MACF1: variants seen among roughly 807,000 people sequenced by gnomAD.
MACF1 encodes microtubule actin crosslinking factor 1.
A neutral mutation model predicts 854.8 loss-of-function variants in MACF1; 193 were observed. The observed-to-expected ratio is 0.23, with a 90% confidence interval of 0.20 to 0.25. MACF1 has a LOEUF of 0.25. MACF1 is among the 10% of genes least tolerant of loss of function. MACF1 has a pLI of 1.00. For missense variants in MACF1, 7,722 were observed against 8,929.1 expected (o/e 0.86, Z 5.45); for synonymous variants, 3,185 against 3,226.7 (o/e 0.99, Z 0.44).
intron 32 of MACF1, 75 bp downstream of exon 32, chr1:39,322,790 T>G: frequency 6.5e-7 from 1 of 1,544,082 alleles, no homozygotes; most frequent in Non-Finnish European, 9.0e-7. Flanking sequence ...CCTTACATTT[T>G]GATTTAGGGC....
At chr1:39,401,975 G>A (rs1373486686) in intron 58 of MACF1, among the ~76,000 whole-genome samples, 2 of 152,230 alleles carry the variant, frequency 1.3e-5, no homozygotes, top group African/African-American at 4.8e-5. Flanking sequence ...ACTTTGGGAG[G>A]CCAAGGCAGG....
In MACF1 at chr1:39,291,954, G is replaced by A; in HGVS notation, c.1830G>A (p.Val610=). ...RAEWGNDLPS[V]ELQLETQQHI... is the part of the protein sequence containing the mutation. ...AGTGGGGCAATGACCTGCCTAGTGT[G>A]GAGTTGCAGCTAGAAACACAGCAGC... Residue 610 remains valine, a synonymous_variant, in exon 16 of 101, where the codon GTG becomes GTA. Transcript: ENST00000564288. 2 of 1,614,028 alleles carry A rather than the reference G, an allele frequency of 1.2e-6. No homozygotes were observed. The highest frequency in any genetic ancestry group is 2.2e-5 in the East Asian group (1 of 44,886).
chr1:39,176,278 C>CAA (rs11406287), intron 2 of MACF1, among the ~76,000 whole-genome samples: 210 of 139,762 alleles, frequency 1.5e-3, no homozygotes, highest in East Asian at 1.5e-3. Flanking sequence ...ACTCTGTCTC[C>CAA]AAAAAAAAAA....
chr1:39,157,633 G>C (rs188948415), intron 2 of MACF1, among the ~76,000 whole-genome samples: 1 of 152,186 alleles, frequency 6.6e-6, no homozygotes, highest in Admixed American at 6.5e-5. Flanking sequence ...CAGATTTGGG[G>C]AACATAGCTT....
At chr1:39,348,619 A>G (rs1039801796) in intron 41 of MACF1, among the ~76,000 whole-genome samples, 1 of 152,060 alleles carries the variant, frequency 6.6e-6, no homozygotes, top group Non-Finnish European at 1.5e-5. Context: ...AAAGAGGGGG[A>G]GAGAGGGCCA....
chr1:39,302,777 A>G (rs569160363), intron 22 of MACF1, 147 bp from the exon 23 acceptor site: 35 of 684,958 alleles, frequency 5.1e-5, no homozygotes, highest in Non-Finnish European at 7.5e-5. Flanking sequence ...TCTTTTGGCA[A>G]AAATCAGAAG....
In MACF1 at chr1:39,332,952, G is replaced by C. The variant is rs1226081950; in HGVS notation, c.6364G>C (p.Val2122Leu). 28 of 1,614,156 alleles carry C rather than the reference G, an allele frequency of 1.7e-5. No individual in the cohort carries two copies. Among genetic ancestry groups the C allele is most frequent in the Non-Finnish European group, 2.3e-5 (27 of 1,180,038 alleles). Residue 2122 changes from valine to leucine, a missense_variant, in exon 37 of 101, where the codon GTC becomes CTC. By Grantham distance (32) the Val-to-Leu change is conservative. Coordinates refer to ENST00000564288, the MANE Select transcript of MACF1 (RefSeq NM_001394062.1). ...TQREDQTAVS[V>L]RENASRGHLL... ...AAGGGAAGACCAAACAGCAGTGTCT[G>C]TCAGAGAAAATGCCAGCAGGGGACA...
intron 2 of MACF1, among the ~76,000 whole-genome samples, chr1:39,120,534 T>G (rs1235823462): frequency 6.6e-6 from 1 of 152,082 alleles, no homozygotes; most frequent in African/African-American, 2.4e-5. Flanking sequence ...TTGGCTAATT[T>G]GTGTATTTTA....
chr1:39,458,273 C>A, intron 89 of MACF1, 97 bp from the exon 90 acceptor site: 1 of 1,227,314 alleles, frequency 8.1e-7, no homozygotes, highest in Non-Finnish European at 1.1e-6. Flanking sequence ...TTTCCTGCCA[C>A]CACAGGCCGT....
intron 6 of MACF1, chr1:39,268,692 A>G: frequency 7.9e-7 from 1 of 1,270,150 alleles, no homozygotes; most frequent in African/African-American, 1.5e-5. Flanking sequence ...TTAGGAGAGG[A>G]AGGAAATGGG....
chr1:39,294,034 C>G (rs573595928), intron 18 of MACF1, among the ~76,000 whole-genome samples: 1 of 152,166 alleles, frequency 6.6e-6, no homozygotes, highest in East Asian at 1.9e-4. Context: ...CAAAGCTACC[C>G]CCTCCCCTAA....
At chr1:39,160,689 T>A (rs886168516) in intron 2 of MACF1, among the ~76,000 whole-genome samples, 2 of 152,190 alleles carry the variant, frequency 1.3e-5, no homozygotes, top group African/African-American at 4.8e-5. Context: ...TTTGGTTTAG[T>A]CCTTATCATT....
intron 6 of MACF1, among the ~76,000 whole-genome samples, chr1:39,273,229 C>T (rs766508666): frequency 2.6e-5 from 4 of 151,218 alleles, no homozygotes; most frequent in South Asian, 2.1e-4. Context: ...CTCTGCCTCC[C>T]GGGTTCCAGC....
In MACF1 at chr1:39,285,659, T is replaced by G. The variant is rs772453002; in HGVS notation, c.1409T>G (p.Met470Arg). The change falls in exon 14 of 101, where the codon ATG (methionine) becomes AGG (arginine). Residue 470 changes from methionine (M) to arginine (R), a missense_variant. Met to Arg is a moderately conservative substitution (Grantham distance 91, BLOSUM62 -1). This residue lies in a region of MACF1 where 1,137 missense variants were observed against 1,263.0 expected (regional missense o/e 0.90). Coordinates refer to ENST00000564288, the MANE Select transcript of MACF1 (RefSeq NM_001394062.1). ...GTACAATGTGAGTCAGATGTCATTA[T>G]GTACATTCAGGAGTGTGAAGGTCTC... is the stretch of plus-strand genomic sequence containing the variant. ...QPVQCESDVI[M>R]YIQECEGLIR... is the part of the protein sequence containing the mutation. 8.7e-6 allele frequency: 14 copies of G among 1,614,014 alleles called. No individual in the cohort carries two copies. The highest frequency in any genetic ancestry group is 8.3e-5 in the Admixed American group (5 of 59,994).
At position 39,460,158 on chromosome 1, in the gene MACF1, G is replaced by A. The variant is rs575130844; in HGVS notation, c.21361-474G>A. On this transcript the variant is annotated intron_variant, in intron 91 of 100. Coordinates refer to ENST00000564288, the MANE Select transcript of MACF1 (RefSeq NM_001394062.1). This position sits in a 1 kb window ranked among gnomAD's most constrained non-coding sequence, Gnocchi z 4.1. ...ATTGGGTTCCCAATGCTTCCATCCA[G>A]AACTCAGATTTTCTCATTGAAATCT... is the stretch of plus-strand genomic sequence containing the variant. 5.3e-5 allele frequency among the ~76,000 whole-genome samples: 8 copies of A among 152,294 alleles called. No homozygotes were observed. The highest frequency in any genetic ancestry group is 1.9e-4 in the African/African-American group (8 of 41,568).
chr1:39,285,466 G>T (rs1024593083), intron 13 of MACF1, 76 bp downstream of exon 13: 30 of 1,523,950 alleles, frequency 2.0e-5, no homozygotes, highest in African/African-American at 2.8e-5. Context: ...AATTGTTGAA[G>T]TTAGCAATCG....
At chr1:39,260,533 T>A (rs1363303011) in intron 6 of MACF1, 1 of 152,110 alleles carries the variant, frequency 6.6e-6, no homozygotes, top group East Asian at 1.9e-4. Context: ...CTCAGCTAAT[T>A]TTTTTATTAT....
chr1:39,218,828 T>C (rs902033763), intron 1 of MACF1, among the ~76,000 whole-genome samples: 3 of 152,240 alleles, frequency 2.0e-5, no homozygotes, highest in East Asian at 1.9e-4. Flanking sequence ...TTGTCCAGGC[T>C]GGAGTGCAAT....
At chr1:39,329,466 T>C (rs915039824) in intron 36 of MACF1, among the ~76,000 whole-genome samples, 8 of 152,218 alleles carry the variant, frequency 5.3e-5, no homozygotes, top group African/African-American at 1.9e-4. Flanking sequence ...TAGACCTTCA[T>C]GGACAATGGA....
Sources: allele counts gnomAD v4.1 joint callset (sites outside exome capture counted in the v4.1 genomes callset), GRCh38; gene constraint gnomAD v4.1.1; regional missense constraint gnomAD v4.1.1; non-coding constraint Gnocchi (gnomAD v3.1); transcripts MANE v1.5; gene names NCBI Gene and HGNC (gene_info 2026-07-23, HGNC 2026-07-21).